Variants in PRDX5 observed in about 807,000 individuals in gnomAD.
PRDX5 encodes peroxiredoxin 5.
In PRDX5, 21 loss-of-function variants were observed where a neutral mutation model predicts 23.8. The ratio of observed to expected loss-of-function variants is 0.88; its 90% confidence interval spans 0.63 to 1.27. The LOEUF (loss-of-function observed/expected upper bound fraction) is 1.27, where lower values mean the gene tolerates loss of function less well. Among genes scored for constraint, PRDX5 ranks in the 50% most tolerant of loss-of-function variants. PRDX5 has a pLI of 0.00. For synonymous variants in PRDX5, 111 were observed against 113.3 expected (o/e 0.98, Z 0.13); for missense variants, 261 against 270.6 (o/e 0.96, Z 0.25).
intron 1 of PRDX5, 75 bp downstream of exon 1, chr11:64,318,461 A>G (rs1193627302): frequency 6.6e-7 from 1 of 1,514,644 alleles, no homozygotes; most frequent in Non-Finnish European, 8.8e-7. Context: ...GTCTGAGAGT[A>G]TCGCTTTATT....
In PRDX5 at chr11:64,318,322, G is replaced by A. The variant is rs1194651936; in HGVS notation, c.107G>A (p.Gly36Glu). Reference sequence around the variant, plus strand: ...GCGGCAGCAAGACGGTACAGTGAAGGAGAGTGGGCGTCTGGCGGGGTCCGC... The same window carrying A: ...GCGGCAGCAAGACGGTACAGTGAAGAAGAGTGGGCGTCTGGCGGGGTCCGC... ...AAAAARRYSE[G>E]EWASGGVRSF... is the part of the protein sequence containing the mutation. The change falls in exon 1 of 6, where the codon GGA (glycine) becomes GAA (glutamate). Residue 36 changes from glycine (G) to glutamate (E), a missense_variant. Physicochemically the swap from Gly to Glu is moderately conservative, Grantham distance 98. Transcript: ENST00000265462. The A allele has an allele frequency of 1.2e-6, 2 of 1,612,702 alleles. No individual in the cohort carries two copies. Among genetic ancestry groups the A allele is most frequent in the Non-Finnish European group, 1.7e-6 (2 of 1,179,820 alleles).
chr11:64,320,050 C>T (rs908509859), intron 2 of PRDX5, among the ~76,000 whole-genome samples, 182 bp downstream of exon 2: 16 of 152,110 alleles, frequency 1.1e-4, no homozygotes, highest in South Asian at 2.1e-4. Flanking sequence ...GAGGCCAAGG[C>T]GGGTGGATCA....
At chr11:64,321,530 A>C (rs865835745) in intron 5 of PRDX5, 56 bp from the exon 6 acceptor site, 2 of 1,588,964 alleles carry the variant, frequency 1.3e-6, no homozygotes, top group African/African-American at 2.7e-5. Context: ...GCCTGTCTCC[A>C]TGCCCAGCCT....
At chr11:64,320,104 C>G (rs1248622885) in intron 2 of PRDX5, among the ~76,000 whole-genome samples, 1 of 151,998 alleles carries the variant, frequency 6.6e-6, no homozygotes, top group Non-Finnish European at 1.5e-5. Flanking sequence ...ATGGTGAAAC[C>G]CTGTCTCTAC....
chr11:64,318,366 G>A lies in PRDX5; in HGVS notation c.151G>A (p.Ala51Thr). Residue 51 changes from alanine to threonine, a missense_variant, in exon 1 of 6, where the codon GCA becomes ACA. By Grantham distance (58) the Ala-to-Thr change is moderately conservative. Coordinates refer to ENST00000265462, the MANE Select transcript of PRDX5 (RefSeq NM_012094.5). ...GGVRSFSRAA[A>T]AMAPIKVGDA... ...GGTCCGCAGTTTCAGCAGAGCCGCT[G>A]CAGCCATGGCCCCAATCAAGGTGAC... 1 of 1,609,322 alleles carries A rather than the reference G, an allele frequency of 6.2e-7. No homozygotes were observed. Among genetic ancestry groups the A allele is most frequent in the Non-Finnish European group, 8.5e-7 (1 of 1,178,474 alleles).
Position 64,321,055 on chromosome 11 carries a change from C to T in PRDX5, c.526C>T (p.Arg176Ter), listed in dbSNP as rs374493477. 23 of 1,613,694 alleles carry T rather than the reference C, an allele frequency of 1.4e-5. No individual in the cohort carries two copies. Among genetic ancestry groups the T allele is most frequent in the East Asian group, 8.9e-5 (4 of 44,898 alleles). ...DDSLVSIFGN[R>*]RLKRFSMVVQ... The stretch of plus-strand genomic sequence containing the variant: ...TTCGCTGGTGTCCATCTTTGGGAAT[C>T]GACGTCTCAAGAGGTAAAAGTGGAG... Residue 176 changes from arginine to a stop codon, truncating the protein, a stop_gained, in exon 5 of 6, where the codon CGA (arginine) becomes TGA (stop). Coordinates refer to ENST00000265462, the MANE Select transcript of PRDX5 (RefSeq NM_012094.5). LOFTEE classifies it high-confidence loss of function.
chr11:64,320,445 C>T (rs1041897609), intron 2 of PRDX5, among the ~76,000 whole-genome samples: 6 of 152,210 alleles, frequency 3.9e-5, no homozygotes, highest in African/African-American at 1.2e-4. Flanking sequence ...AGACATAGAT[C>T]TGCCCATGGA....
intron 1 of PRDX5, among the ~76,000 whole-genome samples, chr11:64,318,955 G>A (rs2035409921): frequency 6.7e-6 from 1 of 149,862 alleles, no homozygotes; most frequent in South Asian, 2.1e-4. Flanking sequence ...CGCCCCCGCG[G>A]GGGCTTACCC....
chr11:64,318,165 G>A lies in PRDX5; in HGVS notation c.-51G>A. The A allele has an allele frequency of 6.2e-7, 1 of 1,606,290 alleles. No homozygotes were observed. Among genetic ancestry groups the A allele is most frequent in the Non-Finnish European group, 8.5e-7 (1 of 1,177,472 alleles). On this transcript the variant is annotated 5_prime_UTR_variant, in exon 1 of 6. Coordinates refer to ENST00000265462, the MANE Select transcript of PRDX5 (RefSeq NM_012094.5). ...CTGTGCCGCTAGCGGTGCCCCGCCT[G>A]CTGCGGTGGCACCAGCCAGGAGGCG...
At position 64,318,250 on chromosome 11, in the gene PRDX5, C is replaced by T; in HGVS notation, c.35C>T (p.Ser12Leu). The T allele has an allele frequency of 4.3e-6, 7 of 1,612,170 alleles. No individual in the cohort carries two copies. The highest frequency in any genetic ancestry group is 1.3e-5 in the African/African-American group (1 of 75,004). Residue 12 changes from serine (S) to leucine (L), a missense_variant, in exon 1 of 6, where the codon TCA becomes TTA. Coordinates refer to ENST00000265462, the MANE Select transcript of PRDX5 (RefSeq NM_012094.5). ...GLAGVCALRR[S>L]AGYILVGGAG... Reference sequence around the variant, plus strand: ...GCTGGCGTGTGCGCCCTGAGACGCTCAGCGGGCTATATACTCGTCGGTGGG... The same window carrying T: ...GCTGGCGTGTGCGCCCTGAGACGCTTAGCGGGCTATATACTCGTCGGTGGG...
At chr11:64,318,977 A>C in intron 1 of PRDX5, among the ~76,000 whole-genome samples, 1 of 146,898 alleles carries the variant, frequency 6.8e-6, no homozygotes, top group African/African-American at 2.5e-5. Flanking sequence ...ATCCCACTCC[A>C]TGACCTCCCC....
chr11:64,321,717 AC>A lies in PRDX5; in HGVS notation c.*30del, dbSNP rs2035505496. 2 of 1,541,136 alleles carry A rather than the reference AC, an allele frequency of 1.3e-6. No homozygotes were observed. The highest frequency in any genetic ancestry group is 8.8e-7 in the Non-Finnish European group (1 of 1,141,296). On this transcript the variant is annotated 3_prime_UTR_variant, in exon 6 of 6. Coordinates refer to ENST00000265462, the MANE Select transcript of PRDX5 (RefSeq NM_012094.5). Reference sequence around the variant, plus strand: ...GGCCCTGGGCCAGATTACTTCCTCCACCCCTCCCTATCTCACCTGCCCAGCC... The same window carrying A: ...GGCCCTGGGCCAGATTACTTCCTCCACCCTCCCTATCTCACCTGCCCAGCC...
rs373617342 is a variant in PRDX5 at position 64,321,576 on chromosome 11, T to C, written c.540-10T>C. 2.6e-5 allele frequency: 42 copies of C among 1,611,872 alleles called. No individual in the cohort carries two copies. Among genetic ancestry groups the C allele is most frequent in the Non-Finnish European group, 3.2e-5 (38 of 1,178,638 alleles). ...GCTGATGCAGCTGGCTGGGCCCCTC[T>C]TTCCGGCAGGTTCTCCATGGTGGTA... On this transcript the variant is annotated splice_polypyrimidine_tract_variant and intron_variant, in intron 5 of 5. Transcript: ENST00000265462.
Position 64,321,777 on chromosome 11 carries a change from A to G in PRDX5, c.*86A>G, listed in dbSNP as rs1020280375. The G allele has an allele frequency of 1.4e-5, 20 of 1,441,424 alleles. No homozygotes were observed. The highest frequency in any genetic ancestry group is 1.8e-5 in the Non-Finnish European group (19 of 1,081,594). 89.3% of individuals were successfully genotyped at this position (1,441,424 alleles called of 1,614,324 possible). On this transcript the variant is annotated 3_prime_UTR_variant, in exon 6 of 6. Transcript: ENST00000265462. ...GGGCCCTGCAATTGGAATGTTGGCC[A>G]GATTTCTGCAATAAACACTTGTGGT...
rs1045439555 is a variant in PRDX5 at position 64,320,662 on chromosome 11, C to T, written c.308C>T (p.Thr103Ile). ...CGACCCTTTGTTCCCCTTCCTCAGA[C>T]ACACCTGCCAGGGTTTGTGGAGCAG... ...PGAFTPGCSK[T>I]HLPGFVEQAE... The change falls in exon 3 of 6, where the codon ACA (threonine) becomes ATA (isoleucine). Residue 103 changes from threonine to isoleucine, a missense_variant and splice_region_variant. Thr to Ile is a moderately conservative substitution (Grantham distance 89). Coordinates refer to ENST00000265462, the MANE Select transcript of PRDX5 (RefSeq NM_012094.5). 6.3e-7 allele frequency: 1 copy of T among 1,589,154 alleles called. No individual in the cohort carries two copies. Among genetic ancestry groups the T allele is most frequent in the South Asian group, 1.1e-5 (1 of 88,446 alleles).
chr11:64,321,498 C>G (rs773129802), intron 5 of PRDX5, 88 bp from the exon 6 acceptor site: 13 of 1,552,534 alleles, frequency 8.4e-6, no homozygotes, highest in Non-Finnish European at 1.1e-5. Context: ...CTGGAGTTCT[C>G]TTGGGCCCCT....
At chr11:64,321,142 G>GGA in intron 5 of PRDX5, 74 bp downstream of exon 5, 2 of 1,505,242 alleles carry the variant, frequency 1.3e-6, no homozygotes, top group East Asian at 2.3e-5. Context: ...GTCCTCTGTG[G>GGA]AGAGGGTCCT....
rs778373021 is a variant in PRDX5 at position 64,320,718 on chromosome 11, G to C, written c.364G>C (p.Val122Leu). The change falls in exon 3 of 6, where the codon GTG becomes CTG. Residue 122 changes from valine to leucine, a missense_variant. Coordinates refer to ENST00000265462, the MANE Select transcript of PRDX5 (RefSeq NM_012094.5). ...GGCTCTGAAGGCCAAGGGAGTCCAG[G>C]TGGTGGCCTGTCTGAGTGTTAATGA... is the stretch of plus-strand genomic sequence containing the variant. ...AEALKAKGVQ[V>L]VACLSVNDAF... The C allele has an allele frequency of 6.2e-7, 1 of 1,613,882 alleles. No individual in the cohort carries two copies. The highest frequency in any genetic ancestry group is 1.1e-5 in the South Asian group (1 of 91,074).
intron 1 of PRDX5, among the ~76,000 whole-genome samples, chr11:64,318,684 T>C (rs1283330945): frequency 6.6e-6 from 1 of 152,064 alleles, no homozygotes; most frequent in Non-Finnish European, 1.5e-5. Context: ...CACTGCAGCC[T>C]CCGCCTCCCG....
Sources: allele counts gnomAD v4.1 joint callset (sites outside exome capture counted in the v4.1 genomes callset), GRCh38; gene constraint gnomAD v4.1.1; transcripts MANE v1.5; gene names NCBI Gene and HGNC (gene_info 2026-07-23, HGNC 2026-07-21).